The following TMEFF1 variants were observed in gnomAD, a reference collection of about 807,000 sequenced individuals.
TMEFF1 encodes the protein tomoregulin-1.
In TMEFF1, 20 loss-of-function variants were observed where a neutral mutation model predicts 47.5. The ratio of observed to expected loss-of-function variants is 0.42; its 90% CI spans 0.30 to 0.61. The LOEUF (loss-of-function observed/expected upper bound fraction) is 0.61, where lower values mean the gene tolerates loss of function less well. Ranked by LOEUF, TMEFF1 falls within the 20% of genes least tolerant of loss-of-function variation. TMEFF1 has a pLI of 0.19. For missense variants in TMEFF1, 411 were observed against 471.1 expected (o/e 0.87, Z 1.18); for synonymous variants, 162 against 166.3 (o/e 0.97, Z 0.20).
At chr9:100,481,584 T>C (rs1837338741) in intron 1 of TMEFF1, among the ~76,000 whole-genome samples, 1 of 152,200 alleles carries the variant, frequency 6.6e-6, no homozygotes, top group African/African-American at 2.4e-5. Context: ...GGCATTTGGT[T>C]CAAAGACATC....
At chr9:100,498,965 A>C in intron 2 of TMEFF1, 91 bp downstream of exon 2, 2 of 1,394,818 alleles carry the variant, frequency 1.4e-6, no homozygotes, top group Non-Finnish European at 1.9e-6. Flanking sequence ...AAACACCTTG[A>C]ACCCCATAAA....
At chr9:100,556,295 A>G (rs1838913516) in intron 7 of TMEFF1, among the ~76,000 whole-genome samples, 2 of 152,188 alleles carry the variant, frequency 1.3e-5, no homozygotes, top group Admixed American at 6.5e-5. Flanking sequence ...TCAGCTTACT[A>G]CATTTTCTCT....
intron 1 of TMEFF1, among the ~76,000 whole-genome samples, chr9:100,486,325 C>T (rs1837447941): frequency 6.6e-6 from 1 of 152,204 alleles, no homozygotes; most frequent in Non-Finnish European, 1.5e-5. Flanking sequence ...TTACTGCAAC[C>T]TCTGCATCCC....
At chr9:100,528,772 T>A (rs1251723111) in intron 5 of TMEFF1, among the ~76,000 whole-genome samples, 2 of 79,946 alleles carry the variant, frequency 2.5e-5, no homozygotes, top group Non-Finnish European at 5.0e-5. Flanking sequence ...GAAGAGCAAC[T>A]CCAAGACACA....
chr9:100,507,182 A>G (rs550089018), intron 2 of TMEFF1, among the ~76,000 whole-genome samples: 44 of 152,272 alleles, frequency 2.9e-4, no homozygotes, highest in Admixed American at 6.5e-4. Context: ...GCTGCAGAGG[A>G]CATTATTTCA....
At position 100,532,609 on chromosome 9, in the gene TMEFF1, G is replaced by C. The variant is rs1418630371; in HGVS notation, c.561-15135G>C. Among the ~76,000 whole-genome samples the C allele has an allele frequency of 5.6e-3, 853 of 151,710 alleles. 7 individuals carry two copies. Among genetic ancestry groups the C allele is most frequent in the African/African-American group, 0.019 (794 of 41,270 alleles). ...AACAACAGGTGCTGGAGAGGATGTG[G>C]AGAAATAGGAACACTTTTACACTGT... On this transcript the variant is annotated intron_variant, in intron 5 of 9. Coordinates refer to ENST00000374879, the MANE Select transcript of TMEFF1 (RefSeq NM_003692.5).
intron 5 of TMEFF1, among the ~76,000 whole-genome samples, chr9:100,521,747 A>C (rs979076934): frequency 6.6e-6 from 1 of 152,232 alleles, no homozygotes; most frequent in Non-Finnish European, 1.5e-5. Context: ...CCTAATGCCA[A>C]TACAGGTGAG....
At chr9:100,486,018 C>T (rs1837440921) in intron 1 of TMEFF1, among the ~76,000 whole-genome samples, 1 of 151,292 alleles carries the variant, frequency 6.6e-6, no homozygotes, top group Non-Finnish European at 1.5e-5. Flanking sequence ...TATTTTCAAC[C>T]ACAGCTCAAT....
intron 5 of TMEFF1, chr9:100,518,584 C>A: frequency 1.3e-6 from 1 of 794,590 alleles, no homozygotes; most frequent in Non-Finnish European, 1.5e-6. Context: ...ACGAAGGAAG[C>A]AGTTGGTATC....
intron 1 of TMEFF1, among the ~76,000 whole-genome samples, chr9:100,495,466 T>C (rs1219541775): frequency 6.6e-6 from 1 of 152,188 alleles, no homozygotes; most frequent in African/African-American, 2.4e-5. Flanking sequence ...ACAGCAGTCA[T>C]AGACTGTATG....
intron 2 of TMEFF1, among the ~76,000 whole-genome samples, chr9:100,501,098 A>T (rs7019804): frequency 0.025 from 3,836 of 152,202 alleles, 62 homozygotes; most frequent in Middle Eastern, 0.034. Flanking sequence ...CAAGTCTGTT[A>T]TCTGGTTCAT....
At chr9:100,490,290 A>G (rs1284432539) in intron 1 of TMEFF1, among the ~76,000 whole-genome samples, 1 of 152,128 alleles carries the variant, frequency 6.6e-6, no homozygotes, top group Non-Finnish European at 1.5e-5. Flanking sequence ...TCCTCCTCAT[A>G]TCTTTATACT....
intron 2 of TMEFF1, among the ~76,000 whole-genome samples, chr9:100,500,878 CT>C (rs1342662533): frequency 1.3e-5 from 2 of 152,196 alleles, no homozygotes; most frequent in African/African-American, 4.8e-5. Flanking sequence ...TGAATTCAAA[CT>C]GCAGATTCTG....
In TMEFF1 at chr9:100,508,886, AC is replaced by A. The variant is rs1587827758; in HGVS notation, c.307-115del. On this transcript the variant is annotated intron_variant, in intron 2 of 9. Transcript: ENST00000374879. ...CTTTTTAAGCCAAAAAAAAAAAAAA[AC>A]CCCAGACTATTCAGTAGCGAAGTAT... The A allele has an allele frequency of 7.1e-5, 84 of 1,188,076 alleles. No individual in the cohort carries two copies. The East Asian group carries it at 1.6e-3, about 23-fold the overall frequency. 73.6% of individuals were successfully genotyped at this position (1,188,076 alleles called of 1,614,324 possible). A position where few individuals can be genotyped will look rare whatever the true frequency, so the allele number is the denominator to read the frequency against.
chr9:100,491,405 G>T (rs916812908), intron 1 of TMEFF1, among the ~76,000 whole-genome samples: 8 of 152,132 alleles, frequency 5.3e-5, no homozygotes, highest in South Asian at 2.1e-4. Context: ...AAAGGACAAG[G>T]TGAAAAGTTT....
intron 2 of TMEFF1, among the ~76,000 whole-genome samples, chr9:100,505,238 C>G (rs894311099): frequency 6.6e-6 from 1 of 151,060 alleles, no homozygotes; most frequent in Admixed American, 6.6e-5. Flanking sequence ...ATGGTGAAAC[C>G]CCGTCTCTAC....
chr9:100,512,586 C>CT (rs1449601292), intron 3 of TMEFF1, among the ~76,000 whole-genome samples: 2 of 152,172 alleles, frequency 1.3e-5, no homozygotes, highest in Non-Finnish European at 2.9e-5. Context: ...TCATTACCCT[C>CT]TTTTCAACAT....
chr9:100,562,766 C>T (rs755077642), intron 8 of TMEFF1, among the ~76,000 whole-genome samples: 9 of 152,036 alleles, frequency 5.9e-5, no homozygotes, highest in Non-Finnish European at 1.3e-4. Flanking sequence ...AGCGATTCTC[C>T]TGCCTCAGCC....
chr9:100,513,266 C>T (rs372659201), intron 3 of TMEFF1, 41 bp from the exon 4 acceptor site: 112 of 1,569,276 alleles, frequency 7.1e-5, no homozygotes, highest in Middle Eastern at 3.6e-4. Context: ...ATGAAATTTC[C>T]GGGAAAAATG....
Sources: gnomAD v4.1 joint callset for allele counts (sites outside exome capture counted in the v4.1 genomes callset) on GRCh38, gnomAD v4.1.1 for gene constraint, MANE v1.5 for transcripts, NCBI Gene and HGNC (gene_info 2026-07-23, HGNC 2026-07-21) for gene names.